The following CCDC88C variants were observed in gnomAD, a reference collection of about 807,000 sequenced individuals.
CCDC88C encodes protein Daple.
In CCDC88C, 131 loss-of-function variants were observed where a neutral mutation model predicts 198.8. The observed-to-expected ratio is 0.66, with a 90% confidence interval of 0.57 to 0.76. The LOEUF is 0.76. CCDC88C is among the 30% of genes least tolerant of loss of function. The probability of loss-of-function intolerance (pLI) is 0.00; values close to 1 mark genes in which losing one functional copy is unlikely to be tolerated. For missense variants in CCDC88C, 2,553 were observed against 2,631.6 expected, an observed-to-expected ratio of 0.97 and a Z score of 0.65; for synonymous variants, 1,166 against 1,114.7, an observed-to-expected ratio of 1.05 and a Z score of -0.92.
rs1397460421 is a variant in CCDC88C, at chr14:91,271,821, T to C, written c.*804A>G. ...GTGCGGATGACCCCTCGGTGCACTG[T>C]GCACACTGGCCTGGAGGGGGCTGGA... On this transcript the variant is annotated 3_prime_UTR_variant, in exon 30 of 30. Coordinates refer to ENST00000389857, the MANE Select transcript of CCDC88C (RefSeq NM_001080414.4). The C allele has an allele frequency of 6.6e-6, 1 of 152,668 alleles. No individual in the cohort carries two copies. The highest frequency in any genetic ancestry group is 1.9e-4 in the East Asian group (1 of 5,202). The allele number at this position is 152,668 out of a possible 1,614,324, so 9.5% of individuals were successfully genotyped here. A position where few individuals can be genotyped will look rare whatever the true frequency, so the allele number is the denominator to read the frequency against.
intron 3 of CCDC88C, among the ~76,000 whole-genome samples, chr14:91,388,190 C>A (rs979375049): frequency 1.3e-5 from 2 of 152,190 alleles, no homozygotes; most frequent in Non-Finnish European, 2.9e-5. Context: ...CACTGTGCTG[C>A]GGCCAGCAAG....
chr14:91,313,096 A>C lies in CCDC88C; in HGVS notation c.2720T>G (p.Leu907Arg). 6.3e-7 allele frequency: 1 copy of C among 1,587,756 alleles called. No individual in the cohort carries two copies. Among genetic ancestry groups the C allele is most frequent in the Non-Finnish European group, 8.6e-7 (1 of 1,164,022 alleles). Residue 907 changes from leucine to arginine, a missense_variant, in exon 15 of 30, where the codon CTG (leucine) becomes CGG (arginine). Transcript: ENST00000389857. The surrounding 1 kb of genome is among the most constrained non-coding windows in gnomAD (Gnocchi z 5.2). Reference protein sequence around the residue: ...TKQVTVHARTLTTLREDLVLE... With the variant: ...TKQVTVHARTRTTLREDLVLE... ...TTTGCTCACCTCCCTCAGAGTTGTC[A>C]GTGTCCTTGCATGCACGGTGACTTG... is the stretch of plus-strand genomic sequence containing the variant.
chr14:91,320,743 C>T (rs1295984022), intron 13 of CCDC88C, among the ~76,000 whole-genome samples: 3 of 152,202 alleles, frequency 2.0e-5, no homozygotes, highest in African/African-American at 4.8e-5. Context: ...GGGAAAACCC[C>T]ACACCCCTGG....
chr14:91,321,278 G>C lies in CCDC88C; in HGVS notation c.1369C>G (p.Leu457Val). 1 of 1,564,822 alleles carries C rather than the reference G, an allele frequency of 6.4e-7. No homozygotes were observed. Among genetic ancestry groups the C allele is most frequent in the South Asian group, 1.2e-5 (1 of 85,198 alleles). ...DASRKSFVFE[L>V]NECASSRILK... Reference sequence around the variant, plus strand: ...ATGCGGCTGGACGCACATTCGTTCAGCTCAAACACAAACGACTTCCTGGAG... The same window carrying C: ...ATGCGGCTGGACGCACATTCGTTCACCTCAAACACAAACGACTTCCTGGAG... Residue 457 changes from leucine (L) to valine (V), a missense_variant, in exon 13 of 30, where the codon CTG becomes GTG. Leu to Val is a conservative substitution (Grantham distance 32). Around this residue, in one of 2 missense-constraint regions of CCDC88C, gnomAD observed 1,260 missense variants for 1,412.0 expected, o/e 0.89. Transcript: ENST00000389857.
chr14:91,311,543 A>G (rs1027330575), intron 15 of CCDC88C, among the ~76,000 whole-genome samples: 14 of 152,224 alleles, frequency 9.2e-5, no homozygotes, highest in Non-Finnish European at 4.4e-5. Context: ...CCAAGCCTCA[A>G]GATGGCAGAA....
intron 6 of CCDC88C, 73 bp downstream of exon 6, chr14:91,342,307 G>T: frequency 2.3e-6 from 2 of 864,854 alleles, no homozygotes; most frequent in Non-Finnish European, 1.9e-6. Context: ...TCCACTCATA[G>T]AGAAGTTTTG....
intron 3 of CCDC88C, among the ~76,000 whole-genome samples, chr14:91,386,925 G>A (rs1215958874): frequency 1.3e-5 from 2 of 152,228 alleles, no homozygotes; most frequent in Non-Finnish European, 2.9e-5. Context: ...CCTCTGTGAT[G>A]AAATGCAAAA....
rs748158814 is a variant in CCDC88C, at chr14:91,281,443, C to T, written c.4699+14G>A. The stretch of plus-strand genomic sequence containing the variant: ...GAAACCCAGGCTGGAGGACACAGCA[C>T]CCTCCCTACTCACCGTACTGCCTGT... On this transcript the variant is annotated intron_variant, in intron 27 of 29. Coordinates refer to ENST00000389857, the MANE Select transcript of CCDC88C (RefSeq NM_001080414.4). The T allele has an allele frequency of 6.2e-7, 1 of 1,613,688 alleles. No individual in the cohort carries two copies. The highest frequency in any genetic ancestry group is 1.1e-5 in the South Asian group (1 of 91,080).
Position 91,288,674 on chromosome 14 carries a change from G to C in CCDC88C, c.4441+431C>G, listed in dbSNP as rs548584273. ...ATCCAACAGTTTGGGAGGCTGAGGC[G>C]GGTGGATCACTTGACGTTAGGAGTT... is the stretch of plus-strand genomic sequence containing the variant. On this transcript the variant is annotated intron_variant, in intron 25 of 29. Transcript: ENST00000389857. This position sits in a 1 kb window ranked among gnomAD's most constrained non-coding sequence, Gnocchi z 4.2. 6.3e-6 allele frequency: 1 copy of C among 157,612 alleles called. No individual in the cohort carries two copies. Among genetic ancestry groups the C allele is most frequent in the African/African-American group, 2.4e-5 (1 of 41,584 alleles). 9.8% of individuals were successfully genotyped at this position (157,612 alleles called of 1,614,324 possible). A position where few individuals can be genotyped will look rare whatever the true frequency, so the allele number is the denominator to read the frequency against.
chr14:91,397,629 G>T (rs76533089), intron 3 of CCDC88C, among the ~76,000 whole-genome samples: 21,202 of 152,236 alleles, frequency 0.14, 1,887 homozygotes, highest in Admixed American at 0.2. Flanking sequence ...GGGGTGAGGG[G>T]TGAAGTCTGA....
intron 21 of CCDC88C, among the ~76,000 whole-genome samples, chr14:91,298,829 G>A (rs1891144160): frequency 6.6e-6 from 1 of 152,208 alleles, no homozygotes; most frequent in South Asian, 2.1e-4. Context: ...GAGTATGTGG[G>A]AGGAGGAAGA....
At chr14:91,322,628 T>C (rs57295274) in intron 12 of CCDC88C, among the ~76,000 whole-genome samples, 3 of 152,188 alleles carry the variant, frequency 2.0e-5, no homozygotes, top group Non-Finnish European at 4.4e-5. Flanking sequence ...TTCATGGGGG[T>C]GAACCCATTT....
At chr14:91,409,100 C>A (rs926262150) in intron 2 of CCDC88C, among the ~76,000 whole-genome samples, 1 of 151,850 alleles carries the variant, frequency 6.6e-6, no homozygotes, top group African/African-American at 2.4e-5. Context: ...CCAACCCAGC[C>A]AAATATATTT....
intron 2 of CCDC88C, among the ~76,000 whole-genome samples, chr14:91,415,564 T>G (rs1815237): frequency 0.41 from 62,500 of 151,780 alleles, 13,282 homozygotes; most frequent in South Asian, 0.42. Flanking sequence ...CTACTAAAAA[T>G]ACAAAATTAG....
chr14:91,346,151 A>G (rs1009553254), intron 4 of CCDC88C, among the ~76,000 whole-genome samples: 6 of 152,228 alleles, frequency 3.9e-5, no homozygotes, highest in African/African-American at 1.4e-4. Context: ...TAAGTAGTGA[A>G]TGAATATGCG....
At chr14:91,415,566 C>CA (rs1219420139) in intron 2 of CCDC88C, among the ~76,000 whole-genome samples, 1 of 151,922 alleles carries the variant, frequency 6.6e-6, no homozygotes, top group Non-Finnish European at 1.5e-5. Flanking sequence ...ACTAAAAATA[C>CA]AAAATTAGCC....
intron 25 of CCDC88C, chr14:91,285,807 T>C (rs1217968342): frequency 1.6e-6 from 2 of 1,288,880 alleles, no homozygotes; most frequent in Non-Finnish European, 2.0e-6. Context: ...TTTTTGCTTT[T>C]CAAAAAGGGA....
At chr14:91,315,209 T>C (rs1892041252) in intron 14 of CCDC88C, among the ~76,000 whole-genome samples, 1 of 152,128 alleles carries the variant, frequency 6.6e-6, no homozygotes. Context: ...TGGTTCCTGA[T>C]GGCATCCCTG....
chr14:91,379,445 C>T (rs185380368), intron 3 of CCDC88C: 16 of 235,376 alleles, frequency 6.8e-5, no homozygotes, highest in Admixed American at 3.2e-4. Flanking sequence ...TGCAGACACT[C>T]CCAGACCTGT....
Sources: gnomAD v4.1 joint callset for allele counts (sites outside exome capture counted in the v4.1 genomes callset) on GRCh38, gnomAD v4.1.1 for gene constraint, gnomAD v4.1.1 regional missense constraint, Gnocchi (gnomAD v3.1) non-coding constraint, MANE v1.5 for transcripts, NCBI Gene and HGNC (gene_info 2026-07-23, HGNC 2026-07-21) for gene names.